Variants in ZNF184 observed in about 807,000 individuals in gnomAD.
ZNF184 encodes zinc finger protein 184.
ZNF184 carries 16 observed loss-of-function variants against 54.4 expected under a neutral mutation model. The observed-to-expected ratio is 0.29, with a 90% CI of 0.20 to 0.45. ZNF184 has a LOEUF of 0.45. ZNF184 is among the 20% of genes least tolerant of loss of function. ZNF184 has a pLI of 1.00. For synonymous variants in ZNF184, 254 were observed against 295.3 expected, an observed-to-expected ratio of 0.86 and a Z score of 1.43; for missense variants, 681 against 888.2, an observed-to-expected ratio of 0.77 and a Z score of 2.97.
chr6:27,407,700 C>T, the ZNF184 span: 3 of 708,224 alleles, frequency 4.2e-6, no homozygotes, highest in Non-Finnish European at 5.3e-6. Context: ...ATTCCTTGAC[C>T]CAAACACATC....
downstream of ZNF184, among the ~76,000 whole-genome samples, chr6:27,448,120 G>A (rs532730141): frequency 3.5e-4 from 54 of 152,258 alleles, no homozygotes; most frequent in African/African-American, 1.3e-3. Context: ...TTCCCAAACT[G>A]AATTCTGATT....
At chr6:27,407,412 C>T in the ZNF184 span, among the ~76,000 whole-genome samples, 3 of 152,128 alleles carry the variant, frequency 2.0e-5, no homozygotes, top group Non-Finnish European at 2.9e-5. Context: ...TCTATGGGCA[C>T]GAGCTGGTTC....
chr6:27,415,711 T>A, the ZNF184 span, among the ~76,000 whole-genome samples: 2 of 152,016 alleles, frequency 1.3e-5, no homozygotes, highest in Non-Finnish European at 2.9e-5. Context: ...GTAAAATGAG[T>A]CAAGACATTA....
intron 3 of ZNF184, among the ~76,000 whole-genome samples, chr6:27,459,380 A>G (rs1210534947): frequency 6.6e-6 from 1 of 152,114 alleles, no homozygotes. Flanking sequence ...TCAACTAAAA[A>G]TTAAGGGAAA....
the ZNF184 span, among the ~76,000 whole-genome samples, chr6:27,409,622 T>C: frequency 1.3e-5 from 2 of 151,986 alleles, no homozygotes; most frequent in African/African-American, 4.8e-5. Context: ...ATTCTTGTAA[T>C]ATCTCATTAT....
At chr6:27,411,886 C>T in the ZNF184 span, among the ~76,000 whole-genome samples, 1 of 152,204 alleles carries the variant, frequency 6.6e-6, no homozygotes, top group East Asian at 1.9e-4. Context: ...CTCACTTGCC[C>T]AGGGCCCCTA....
chr6:27,457,523 G>T, intron 3 of ZNF184, 114 bp from the exon 4 acceptor site: 2 of 1,159,300 alleles, frequency 1.7e-6, no homozygotes, highest in Non-Finnish European at 1.2e-6. Context: ...AAATAATCTT[G>T]ACATTTTCTC....
the ZNF184 span, among the ~76,000 whole-genome samples, chr6:27,442,238 T>C: frequency 2.0e-5 from 3 of 152,140 alleles, no homozygotes; most frequent in Non-Finnish European, 2.9e-5. Flanking sequence ...CCTAAAACAA[T>C]AGGATAATTA....
Position 27,451,700 on chromosome 6 carries a change from C to T in ZNF184, c.1859G>A (p.Gly620Asp), listed in dbSNP as rs749950343. 2 of 1,613,964 alleles carry T rather than the reference C, an allele frequency of 1.2e-6. No individual in the cohort carries two copies. The highest frequency in any genetic ancestry group is 1.7e-5 in the Admixed American group (1 of 59,992). The change falls in exon 6 of 6, where the codon GGT becomes GAT. Residue 620 changes from glycine to aspartate, a missense_variant. Transcript: ENST00000683788. ...GAKPYECAEC[G>D]KAFRHCSSLA... ...AGATGAACAATGTCGAAAGGCTTTA[C>T]CACACTCAGCACACTCATAAGGCTT... is the stretch of plus-strand genomic sequence containing the variant.
At chr6:27,436,763 T>C in the ZNF184 span, among the ~76,000 whole-genome samples, 1 of 152,246 alleles carries the variant, frequency 6.6e-6, no homozygotes, top group Non-Finnish European at 1.5e-5. Flanking sequence ...GAATGTAAGC[T>C]CCTTGGAGAA....
the ZNF184 span, among the ~76,000 whole-genome samples, chr6:27,424,228 T>C: frequency 6.6e-6 from 1 of 152,206 alleles, no homozygotes; most frequent in African/African-American, 2.4e-5. Context: ...GTGAGGTCTC[T>C]GGTTTCAGGA....
the ZNF184 span, among the ~76,000 whole-genome samples, chr6:27,445,023 T>A: frequency 6.6e-6 from 1 of 152,188 alleles, no homozygotes; most frequent in Non-Finnish European, 1.5e-5. Context: ...ATTGGTGCAA[T>A]TCTTTGGCAA....
intron 5 of ZNF184, among the ~76,000 whole-genome samples, chr6:27,454,522 C>G (rs1170535918): frequency 2.0e-5 from 3 of 152,118 alleles, no homozygotes; most frequent in East Asian, 1.9e-4. Flanking sequence ...AAGCAGGTAG[C>G]CATAAAGAAT....
chr6:27,433,882 C>CCCTT, the ZNF184 span, among the ~76,000 whole-genome samples: 1 of 142,690 alleles, frequency 7.0e-6, no homozygotes, highest in Non-Finnish European at 1.5e-5. Context: ...TCCTTCCTTC[C>CCCTT]CCTTCCTTCC....
intron 3 of ZNF184, among the ~76,000 whole-genome samples, chr6:27,466,166 G>C (rs1763132864): frequency 1.7e-5 from 2 of 116,104 alleles, no homozygotes. Context: ...GAGAGAGAGA[G>C]AGAGATAAAT....
chr6:27,450,380 A>G (rs890314254), downstream of ZNF184, among the ~76,000 whole-genome samples: 6 of 150,532 alleles, frequency 4.0e-5, no homozygotes, highest in South Asian at 8.6e-4. Context: ...GGAGGTGATT[A>G]GGTCATAAGG....
At chr6:27,422,192 G>GAA in the ZNF184 span, among the ~76,000 whole-genome samples, 3 of 26,860 alleles carry the variant, frequency 1.1e-4, no homozygotes, top group African/African-American at 2.9e-4. Context: ...AAGAAAGAAA[G>GAA]AAAGAAAGAA....
intron 3 of ZNF184, among the ~76,000 whole-genome samples, chr6:27,465,657 T>C (rs950729047): frequency 1.2e-4 from 18 of 152,042 alleles, no homozygotes; most frequent in Non-Finnish European, 1.9e-4. Flanking sequence ...AAAACACTGT[T>C]TCTCAACGAT....
chr6:27,424,235 AG>A, the ZNF184 span, among the ~76,000 whole-genome samples: 1 of 152,186 alleles, frequency 6.6e-6, no homozygotes, highest in African/African-American at 2.4e-5. Flanking sequence ...CTCTGGTTTC[AG>A]GAATAACGCT....
Sources: allele counts gnomAD v4.1 joint callset (sites outside exome capture counted in the v4.1 genomes callset), GRCh38; gene constraint gnomAD v4.1.1; transcripts MANE v1.5; gene names NCBI Gene and HGNC (gene_info 2026-07-23, HGNC 2026-07-21).